Variants in EFNA5 observed in about 807,000 individuals in gnomAD.
The protein encoded by EFNA5 is ephrin-A5.
Under a neutral mutation model 22.9 loss-of-function variants are expected in EFNA5, and 5 were observed. That is an observed-to-expected ratio of 0.22 (90% CI 0.11 to 0.46). The LOEUF is 0.46. Ranked by LOEUF, EFNA5 falls within the 20% of genes least tolerant of loss-of-function variation. The probability of loss-of-function intolerance (pLI) is 0.99; values close to 1 mark genes in which losing one functional copy is unlikely to be tolerated. For missense variants in EFNA5, 237 were observed against 293.3 expected, an observed-to-expected ratio of 0.81 and a Z score of 1.40; for synonymous variants, 113 against 112.2, an observed-to-expected ratio of 1.01 and a Z score of -0.04.
At chr5:107,452,107 C>T (rs1749574844) in intron 1 of EFNA5, among the ~76,000 whole-genome samples, 1 of 152,062 alleles carries the variant, frequency 6.6e-6, no homozygotes, top group South Asian at 2.1e-4. Flanking sequence ...CAAACTAACA[C>T]AGGAACAGAA....
intron 2 of EFNA5, among the ~76,000 whole-genome samples, chr5:107,398,271 C>T (rs1436940494): frequency 6.6e-6 from 1 of 152,198 alleles, no homozygotes; most frequent in Non-Finnish European, 1.5e-5. Context: ...TCCCTACTTC[C>T]TCTGGCCACT....
intron 1 of EFNA5, among the ~76,000 whole-genome samples, chr5:107,662,320 G>T (rs958626118): frequency 6.6e-6 from 1 of 152,152 alleles, no homozygotes; most frequent in Non-Finnish European, 1.5e-5. Flanking sequence ...TTTTTCATAA[G>T]TGACATAAGT....
At chr5:107,556,441 T>G (rs1235194396) in intron 1 of EFNA5, among the ~76,000 whole-genome samples, 1 of 152,170 alleles carries the variant, frequency 6.6e-6, no homozygotes, top group Non-Finnish European at 1.5e-5. Context: ...CCCATCATAG[T>G]CTTCTTAATA....
intron 1 of EFNA5, among the ~76,000 whole-genome samples, chr5:107,579,075 G>T (rs1009152507): frequency 2.0e-5 from 3 of 152,028 alleles, no homozygotes; most frequent in Admixed American, 6.5e-5. Flanking sequence ...CTTCCTGCTT[G>T]CCCACTGCAT....
At chr5:107,519,734 T>C (rs139451419) in intron 1 of EFNA5, among the ~76,000 whole-genome samples, 5 of 152,362 alleles carry the variant, frequency 3.3e-5, no homozygotes, top group African/African-American at 1.2e-4. Flanking sequence ...TAAAAAAATA[T>C]GCAACTGTGC....
chr5:107,498,322 G>C (rs547988919), intron 1 of EFNA5, among the ~76,000 whole-genome samples: 1 of 152,116 alleles, frequency 6.6e-6, no homozygotes, highest in African/African-American at 2.4e-5. Context: ...GCTCATACAC[G>C]TATATTTATT....
intron 1 of EFNA5, among the ~76,000 whole-genome samples, chr5:107,452,684 G>T (rs1749592659): frequency 6.6e-6 from 1 of 152,192 alleles, no homozygotes; most frequent in Admixed American, 6.6e-5. Context: ...TCGTGATTGA[G>T]CCACTGTACT....
intron 1 of EFNA5, among the ~76,000 whole-genome samples, chr5:107,545,225 C>A (rs908893355): frequency 6.6e-6 from 1 of 152,240 alleles, no homozygotes; most frequent in East Asian, 1.9e-4. Flanking sequence ...TGGCCGAAGG[C>A]CTTAGTGTTG....
chr5:107,592,659 T>G (rs940069261), intron 1 of EFNA5, among the ~76,000 whole-genome samples: 1 of 152,172 alleles, frequency 6.6e-6, no homozygotes, highest in Admixed American at 6.5e-5. Flanking sequence ...GCCAAAGAGA[T>G]GCAGGGACAG....
chr5:107,576,597 G>T (rs951924763), intron 1 of EFNA5, among the ~76,000 whole-genome samples: 8 of 152,110 alleles, frequency 5.3e-5, no homozygotes, highest in Non-Finnish European at 8.8e-5. Context: ...TTTACCCATG[G>T]AAATAAAGGC....
intron 1 of EFNA5, among the ~76,000 whole-genome samples, chr5:107,631,639 C>T (rs1488218076): frequency 2.6e-5 from 4 of 151,752 alleles, no homozygotes; most frequent in Non-Finnish European, 5.9e-5. Context: ...TATTTTCCTA[C>T]AAAAAACATA....
chr5:107,564,586 G>GA (rs1269130257), intron 1 of EFNA5, among the ~76,000 whole-genome samples: 1 of 150,926 alleles, frequency 6.6e-6, no homozygotes, highest in Non-Finnish European at 1.5e-5. Flanking sequence ...AGAAATGGCT[G>GA]AAACCACAGT....
rs184031419 is a variant in EFNA5 at position 107,387,843 on chromosome 5, A to G, written c.419-72T>C. 8 of 1,036,062 alleles carry G rather than the reference A, an allele frequency of 7.7e-6. No individual in the cohort carries two copies. The Admixed American group carries it at 1.8e-4, about 23-fold the overall frequency. 64.2% of individuals were successfully genotyped at this position (1,036,062 alleles called of 1,614,324 possible). On this transcript the variant is annotated intron_variant, in intron 2 of 4. Transcript: ENST00000333274. ...AACATATTACTCTTCATTTTCACAT[A>G]CAAATGATGAACAATAAATTCTTTC...
chr5:107,603,499 T>C (rs1426550262), intron 1 of EFNA5, among the ~76,000 whole-genome samples: 1 of 152,224 alleles, frequency 6.6e-6, no homozygotes, highest in Non-Finnish European at 1.5e-5. Flanking sequence ...ACAATACGCA[T>C]GAACCAAGGG....
chr5:107,416,285 T>G (rs1748502669), intron 2 of EFNA5, among the ~76,000 whole-genome samples: 1 of 152,202 alleles, frequency 6.6e-6, no homozygotes. Context: ...AGGTAGAACT[T>G]AGATAACGAC....
At chr5:107,627,140 CTGTT>C (rs1750159503) in intron 1 of EFNA5, among the ~76,000 whole-genome samples, 1 of 152,128 alleles carries the variant, frequency 6.6e-6, no homozygotes, top group African/African-American at 2.4e-5. Flanking sequence ...TTGAATCTTT[CTGTT>C]TGTTAACTTT....
chr5:107,386,304 G>A (rs1747622577), intron 4 of EFNA5, among the ~76,000 whole-genome samples: 2 of 151,898 alleles, frequency 1.3e-5, no homozygotes. Context: ...GGGAGAAGAG[G>A]ACACCACAGA....
At chr5:107,593,858 C>T (rs1397822776) in intron 1 of EFNA5, among the ~76,000 whole-genome samples, 1 of 152,202 alleles carries the variant, frequency 6.6e-6, no homozygotes, top group Non-Finnish European at 1.5e-5. Context: ...AATTCCTTTC[C>T]TGACCCAGCC....
At chr5:107,664,354 G>A (rs1049489226) in intron 1 of EFNA5, among the ~76,000 whole-genome samples, 4 of 152,042 alleles carry the variant, frequency 2.6e-5, no homozygotes, top group Admixed American at 6.6e-5. Flanking sequence ...ACTAAATTTT[G>A]AAAACATAAA....
Sources: allele counts gnomAD v4.1 joint callset (sites outside exome capture counted in the v4.1 genomes callset), GRCh38; gene constraint gnomAD v4.1.1; transcripts MANE v1.5; gene names NCBI Gene and HGNC (gene_info 2026-07-23, HGNC 2026-07-21).